Variants in ZNF804B observed in about 807,000 individuals in gnomAD.
ZNF804B encodes zinc finger protein 804B, also known as zinc finger 804B.
Under a neutral mutation model 101.4 loss-of-function variants are expected in ZNF804B, and 80 were observed. That is an observed-to-expected ratio of 0.79 (90% confidence interval 0.66 to 0.95). The LOEUF is 0.95. ZNF804B is among the 40% of genes least tolerant of loss of function. ZNF804B has a pLI of 0.00. For missense variants in ZNF804B, 1,673 were observed against 1,561.9 expected, an observed-to-expected ratio of 1.07 and a Z score of -1.20; for synonymous variants, 622 against 558.8, an observed-to-expected ratio of 1.11 and a Z score of -1.59.
At chr7:88,816,232 G>T (rs967721600) in intron 1 of ZNF804B, among the ~76,000 whole-genome samples, 5 of 151,984 alleles carry the variant, frequency 3.3e-5, no homozygotes, top group African/African-American at 9.7e-5. Flanking sequence ...CCTTCTTCCT[G>T]TGTGGATGCT....
At chr7:89,050,767 A>G (rs1469227962) in intron 1 of ZNF804B, among the ~76,000 whole-genome samples, 2 of 152,284 alleles carry the variant, frequency 1.3e-5, no homozygotes, top group East Asian at 3.9e-4. Flanking sequence ...CATTATAACA[A>G]GTGAAATGAT....
At chr7:88,893,282 T>C (rs1046020909) in intron 1 of ZNF804B, among the ~76,000 whole-genome samples, 2 of 152,152 alleles carry the variant, frequency 1.3e-5, no homozygotes. Context: ...TAAAAAGGCA[T>C]TTCAAAAATA....
In ZNF804B at chr7:88,809,914, T is replaced by C. The variant is rs189204538; in HGVS notation, c.108+49830T>C. ...TCTGAGACCAAAGGCCAAGTAGCGA[T>C]GGACCAACCTGAGAAATTGCTCTCA... On this transcript the variant is annotated intron_variant, in intron 1 of 3. Transcript: ENST00000333190. 9.5e-4 allele frequency among the ~76,000 whole-genome samples: 145 copies of C among 152,322 alleles called. 2 individuals are homozygous for C. The South Asian group carries it at 0.014, about 14-fold the overall frequency.
chr7:89,080,189 A>T (rs4262264), intron 1 of ZNF804B, among the ~76,000 whole-genome samples: 125,156 of 151,508 alleles, frequency 0.83, 52,274 homozygotes, highest in African/African-American at 0.96. Flanking sequence ...ATTGGGTCTA[A>T]TTTGAAGAAA....
chr7:89,245,759 A>G (rs1056846659), intron 2 of ZNF804B, among the ~76,000 whole-genome samples: 4 of 152,290 alleles, frequency 2.6e-5, no homozygotes, highest in Admixed American at 1.3e-4. Context: ...ATAATGAAGG[A>G]CACCCTAAAT....
intron 1 of ZNF804B, among the ~76,000 whole-genome samples, chr7:88,771,304 T>C (rs1790057394): frequency 6.6e-6 from 1 of 152,132 alleles, no homozygotes; most frequent in African/African-American, 2.4e-5. Flanking sequence ...AAAAAAATTC[T>C]ATTCTAGACA....
intron 1 of ZNF804B, among the ~76,000 whole-genome samples, chr7:88,874,738 T>C (rs1308114244): frequency 1.3e-5 from 2 of 152,162 alleles, no homozygotes; most frequent in African/African-American, 4.8e-5. Flanking sequence ...TCATGAATAT[T>C]AGACACATCA....
intron 1 of ZNF804B, among the ~76,000 whole-genome samples, chr7:88,967,450 C>G (rs1455631602): frequency 2.0e-5 from 3 of 151,662 alleles, no homozygotes; most frequent in African/African-American, 7.2e-5. Context: ...GGGAATTACA[C>G]TTCGATGTGA....
At chr7:88,852,722 G>T (rs1005416460) in intron 1 of ZNF804B, among the ~76,000 whole-genome samples, 1 of 152,026 alleles carries the variant, frequency 6.6e-6, no homozygotes, top group Admixed American at 6.6e-5. Context: ...ATCACTTTGA[G>T]GACGGTGTTA....
At chr7:88,897,963 T>A (rs1792314810) in intron 1 of ZNF804B, among the ~76,000 whole-genome samples, 1 of 151,812 alleles carries the variant, frequency 6.6e-6, no homozygotes, top group East Asian at 1.9e-4. Flanking sequence ...CAGCATACCT[T>A]CATATCTACT....
chr7:88,867,242 CTG>C (rs2115870271), intron 1 of ZNF804B, among the ~76,000 whole-genome samples: 1 of 152,220 alleles, frequency 6.6e-6, no homozygotes, highest in Non-Finnish European at 1.5e-5. Flanking sequence ...ATTATGGAGA[CTG>C]AGAAGTCTCA....
intron 1 of ZNF804B, among the ~76,000 whole-genome samples, chr7:89,036,857 A>G (rs1584088246): frequency 2.0e-5 from 3 of 152,190 alleles, no homozygotes; most frequent in African/African-American, 4.8e-5. Flanking sequence ...TTTGATGACT[A>G]TGGTAAGGTC....
rs938814970 is a variant in ZNF804B, at chr7:88,823,038, A to G, written c.108+62954A>G. Among the ~76,000 whole-genome samples the G allele has an allele frequency of 7.2e-5, 11 of 151,994 alleles. No homozygotes were observed. The East Asian group carries it at 2.1e-3, about 29-fold the overall frequency. ...AGCCTGGCCAATATGGTGAAACCCC[A>G]TCTCTACAAAAAAATACAAAAATTA... On this transcript the variant is annotated intron_variant, in intron 1 of 3. Transcript: ENST00000333190.
At chr7:89,135,818 G>A (rs1303725075) in intron 1 of ZNF804B, among the ~76,000 whole-genome samples, 2 of 100,012 alleles carry the variant, frequency 2.0e-5, no homozygotes, top group African/African-American at 8.8e-5. Flanking sequence ...ATGCGAATAG[G>A]CCTCTCACTA....
At chr7:88,942,589 G>GA (rs577212138) in intron 1 of ZNF804B, among the ~76,000 whole-genome samples, 67 of 137,376 alleles carry the variant, frequency 4.9e-4, no homozygotes, top group East Asian at 2.7e-3. Context: ...TTTTAAGCTT[G>GA]AAAAAAAAAA....
At chr7:89,266,496 T>C (rs1336771584) in intron 2 of ZNF804B, among the ~76,000 whole-genome samples, 2 of 152,170 alleles carry the variant, frequency 1.3e-5, no homozygotes, top group Non-Finnish European at 2.9e-5. Context: ...AAAGATATAC[T>C]TTTAATAAAC....
intron 2 of ZNF804B, among the ~76,000 whole-genome samples, chr7:89,309,587 C>A (rs536101403): frequency 6.6e-6 from 1 of 151,576 alleles, no homozygotes; most frequent in Admixed American, 6.6e-5. Context: ...TGGTAAAACC[C>A]CATCTCTACT....
chr7:89,031,473 G>A (rs1049080041), intron 1 of ZNF804B, among the ~76,000 whole-genome samples: 1 of 151,884 alleles, frequency 6.6e-6, no homozygotes, highest in Non-Finnish European at 1.5e-5. Flanking sequence ...CTTGTCACAA[G>A]GTAGAAGACA....
intron 1 of ZNF804B, among the ~76,000 whole-genome samples, chr7:89,200,749 T>C (rs549385002): frequency 3.0e-4 from 46 of 152,152 alleles, no homozygotes; most frequent in African/African-American, 1.1e-3. Context: ...CGCCAACATA[T>C]GATTTTTAAA....
Sources: gnomAD v4.1 joint callset for allele counts (sites outside exome capture counted in the v4.1 genomes callset) on GRCh38, gnomAD v4.1.1 for gene constraint, MANE v1.5 for transcripts, NCBI Gene and HGNC (gene_info 2026-07-23, HGNC 2026-07-21) for gene names.